The following HSPA4 variants were observed in gnomAD, a reference collection of about 807,000 sequenced individuals.
HSPA4 encodes heat shock protein family A (Hsp70) member 4, also known as heat shock 70 kDa protein 4.
HSPA4 carries 25 observed loss-of-function variants against 106.2 expected under a neutral mutation model. That is an observed-to-expected ratio of 0.24 (90% CI 0.17 to 0.33). The LOEUF (loss-of-function observed/expected upper bound fraction) is 0.33, where lower values mean the gene tolerates loss of function less well. Among genes scored for constraint, HSPA4 ranks in the 10% least tolerant of loss-of-function variants. HSPA4 has a pLI of 1.00. For synonymous variants in HSPA4, 332 were observed against 333.6 expected (o/e 1.00, Z 0.05); for missense variants, 841 against 996.0 (o/e 0.84, Z 2.10).
At position 133,104,269 on chromosome 5, in the gene HSPA4, C is replaced by T. The variant is rs1765826643; in HGVS notation, c.2356C>T (p.Pro786Ser). 1.2e-6 allele frequency: 2 copies of T among 1,613,934 alleles called. No individual in the cohort carries two copies. Among genetic ancestry groups the T allele is most frequent in the Non-Finnish European group, 1.7e-6 (2 of 1,180,018 alleles). Reference sequence around the variant, plus strand: ...TACTTGTAGCCCTATAATTTCAAAGCCCAAACCCAAAGTGGAACCTCCAAA... The same window carrying T: ...TACTTGTAGCCCTATAATTTCAAAGTCCAAACCCAAAGTGGAACCTCCAAA... ...TSTCSPIISK[P>S]KPKVEPPKEE... is the part of the protein sequence containing the mutation. The change falls in exon 19 of 19, where the codon CCC (proline) becomes TCC (serine). Residue 786 changes from proline (P) to serine (S), a missense_variant. This residue lies in a region of HSPA4 where 328 missense variants were observed against 372.2 expected (regional missense o/e 0.88). Coordinates refer to ENST00000304858, the MANE Select transcript of HSPA4 (RefSeq NM_002154.4).
intron 7 of HSPA4, among the ~76,000 whole-genome samples, chr5:133,085,043 A>C (rs1765560712): frequency 6.6e-6 from 1 of 152,014 alleles, no homozygotes; most frequent in Non-Finnish European, 1.5e-5. Context: ...TCCTGGGCTC[A>C]AGCCTTAGCT....
chr5:133,100,503 T>C (rs191017602), intron 16 of HSPA4, among the ~76,000 whole-genome samples: 2 of 152,154 alleles, frequency 1.3e-5, no homozygotes, highest in African/African-American at 4.8e-5. Flanking sequence ...TTCACGCCAT[T>C]CTCCTGCCTC....
chr5:133,094,604 G>T (rs1561585628), intron 13 of HSPA4, among the ~76,000 whole-genome samples: 1 of 152,212 alleles, frequency 6.6e-6, no homozygotes. Flanking sequence ...TTTGTGGAAG[G>T]TGGGTGAAGA....
chr5:133,088,558 G>A lies in HSPA4; in HGVS notation c.1137+3G>A, dbSNP rs1376885373. 5.0e-6 allele frequency: 8 copies of A among 1,611,174 alleles called. No homozygotes were observed. Among genetic ancestry groups the A allele is most frequent in the African/African-American group, 2.7e-5 (2 of 74,842 alleles). On this transcript the variant is annotated splice_donor_region_variant and intron_variant, in intron 9 of 18. Coordinates refer to ENST00000304858, the MANE Select transcript of HSPA4 (RefSeq NM_002154.4). ...TCACTCGAGGCTGTGCATTGCAGGT[G>A]AATATTCTTTCTTTTATAGGTAACC...
intron 3 of HSPA4, among the ~76,000 whole-genome samples, chr5:133,069,368 G>C (rs905357833): frequency 2.0e-5 from 3 of 151,810 alleles, no homozygotes; most frequent in Non-Finnish European, 4.4e-5. Context: ...TCATGCTTCA[G>C]TCTCCCTAGT....
intron 1 of HSPA4, among the ~76,000 whole-genome samples, chr5:133,054,628 C>T (rs886915233): frequency 6.6e-6 from 1 of 152,194 alleles, no homozygotes; most frequent in African/African-American, 2.4e-5. Flanking sequence ...TATCACTCCC[C>T]CAAAGCCCTG....
chr5:133,076,874 T>C lies in HSPA4; in HGVS notation c.884T>C (p.Val295Ala). The part of the protein sequence containing the change: ...PLSIECFMND[V>A]DVSGTMNRGK... ...AGCATTGAATGTTTTATGAATGATG[T>C]TGATGTATCTGGAACTATGAATAGG... is the stretch of plus-strand genomic sequence containing the variant. The change falls in exon 7 of 19, where the codon GTT becomes GCT. Residue 295 changes from valine (V) to alanine (A), a missense_variant. This residue lies in a region of HSPA4 where 347 missense variants were observed against 408.7 expected (regional missense o/e 0.85). Transcript: ENST00000304858. 3 of 1,611,736 alleles carry C rather than the reference T, an allele frequency of 1.9e-6. No individual in the cohort carries two copies. Among genetic ancestry groups the C allele is most frequent in the Non-Finnish European group, 2.5e-6 (3 of 1,177,914 alleles).
intron 12 of HSPA4, among the ~76,000 whole-genome samples, chr5:133,091,998 C>T (rs1209641361): frequency 1.3e-5 from 2 of 152,260 alleles, no homozygotes; most frequent in African/African-American, 2.4e-5. Flanking sequence ...GCAGTGAGTC[C>T]TGTTTGCGCC....
intron 6 of HSPA4, chr5:133,076,325 G>T (rs892929182): frequency 1.5e-5 from 4 of 263,376 alleles, no homozygotes; most frequent in Non-Finnish European, 3.0e-5. Flanking sequence ...AACTGCTATT[G>T]GTTGTCAGAC....
At chr5:133,083,027 C>T (rs563731793) in intron 7 of HSPA4, among the ~76,000 whole-genome samples, 66 of 151,006 alleles carry the variant, frequency 4.4e-4, no homozygotes, top group Non-Finnish European at 8.4e-4. Context: ...CCCAACTACT[C>T]GGGAGGCTGA....
chr5:133,063,621 CGG>C (rs1765272223), intron 1 of HSPA4, among the ~76,000 whole-genome samples: 1 of 151,224 alleles, frequency 6.6e-6, no homozygotes, highest in Non-Finnish European at 1.5e-5. Flanking sequence ...TTAGTAGAGA[CGG>C]GGTTTGATCA....
Position 133,074,422 on chromosome 5 carries a change from G to T in HSPA4, c.663+296G>T, listed in dbSNP as rs563967355. 1.1e-4 allele frequency among the ~76,000 whole-genome samples: 17 copies of T among 152,182 alleles called. No individual in the cohort carries two copies. In the East Asian group the frequency reaches 1.9e-3, roughly 17 times the overall value. On this transcript the variant is annotated intron_variant, in intron 6 of 18. Coordinates refer to ENST00000304858, the MANE Select transcript of HSPA4 (RefSeq NM_002154.4). ...GCCTCCCTAGTAGCTGGGATTACGG[G>T]CATGTGCCACCACGCCCGGCTAATT...
chr5:133,066,290 C>T lies in HSPA4; in HGVS notation c.166-1127C>T, dbSNP rs146830476. Among the ~76,000 whole-genome samples, 8 of 152,166 alleles carry T rather than the reference C, an allele frequency of 5.3e-5. No homozygotes were observed. In the East Asian group the frequency reaches 1.2e-3, roughly 22 times the overall value. On this transcript the variant is annotated intron_variant, in intron 2 of 18. Coordinates refer to ENST00000304858, the MANE Select transcript of HSPA4 (RefSeq NM_002154.4). The stretch of plus-strand genomic sequence containing the variant: ...TTCATAAAAGGACTTCTGTGTGTTC[C>T]CTTTCATCTAGTTGATACAGGAGCT...
chr5:133,065,296 AAAC>A (rs1765293567), intron 2 of HSPA4, among the ~76,000 whole-genome samples: 1 of 152,246 alleles, frequency 6.6e-6, no homozygotes, highest in South Asian at 2.1e-4. Context: ...ATACAAATGA[AAAC>A]AATCCAGTGT....
At chr5:133,096,529 G>T (rs1765714083) in intron 14 of HSPA4, among the ~76,000 whole-genome samples, 1 of 152,078 alleles carries the variant, frequency 6.6e-6, no homozygotes, top group Admixed American at 6.5e-5. Flanking sequence ...GTTCATTTTT[G>T]AATACGTGGG....
intron 13 of HSPA4, among the ~76,000 whole-genome samples, chr5:133,094,589 A>G (rs948110477): frequency 6.6e-6 from 1 of 152,118 alleles, no homozygotes; most frequent in South Asian, 2.1e-4. Context: ...TTGTTCTCCT[A>G]TATGTTTGTG....
At chr5:133,100,747 C>T (rs1010588496) in intron 16 of HSPA4, among the ~76,000 whole-genome samples, 1 of 152,196 alleles carries the variant, frequency 6.6e-6, no homozygotes, top group Non-Finnish European at 1.5e-5. Flanking sequence ...GAAAAGGTTG[C>T]AGATGCACAA....
At chr5:133,097,045 CTT>C (rs1765721309) in intron 14 of HSPA4, 114 bp from the exon 15 acceptor site, 2 of 730,042 alleles carry the variant, frequency 2.7e-6, no homozygotes, top group African/African-American at 3.5e-5. Flanking sequence ...TGTTATGTGA[CTT>C]GCAGAACTAA....
At chr5:133,074,425 T>C (rs887966784) in intron 6 of HSPA4, among the ~76,000 whole-genome samples, 3 of 152,038 alleles carry the variant, frequency 2.0e-5, no homozygotes, top group African/African-American at 7.2e-5. Flanking sequence ...ATTACGGGCA[T>C]GTGCCACCAC....
Sources: allele counts gnomAD v4.1 joint callset (sites outside exome capture counted in the v4.1 genomes callset), GRCh38; gene constraint gnomAD v4.1.1; regional missense constraint gnomAD v4.1.1; transcripts MANE v1.5; gene names NCBI Gene and HGNC (gene_info 2026-07-23, HGNC 2026-07-21).